The following TUBB8B variants were observed in gnomAD, a reference collection of about 807,000 sequenced individuals.
The protein encoded by TUBB8B is HSA18p11 beta-tubulin 4Q pseudogene.
In TUBB8B, 26 loss-of-function variants were observed where a neutral mutation model predicts 31.9. The observed-to-expected ratio is 0.81, with a 90% CI of 0.60 to 1.13. The LOEUF is 1.13. Among genes scored for constraint, TUBB8B ranks in the 50% most tolerant of loss-of-function variants. TUBB8B has a pLI of 0.00. For missense variants in TUBB8B, 467 were observed against 586.7 expected, an observed-to-expected ratio of 0.80 and a Z score of 2.11; for synonymous variants, 173 against 231.0, an observed-to-expected ratio of 0.75 and a Z score of 2.28.
At chr18:51,623 A>G (rs1450851437), upstream of TUBB8B, among the ~76,000 whole-genome samples, 2 of 151,956 alleles carry the variant, frequency 1.3e-5, no homozygotes, top group Non-Finnish European at 2.9e-5. Context: ...TACTTTTAGT[A>G]TAGACGGAGT....
At chr18:64,345 C>G in the TUBB8B span, among the ~76,000 whole-genome samples, 501 of 152,292 alleles carry the variant, frequency 3.3e-3, 2 homozygotes, top group African/African-American at 0.011. Context: ...CCAAAGAACT[C>G]TCAACTAAGA....
chr18:54,901 A>G, the TUBB8B span, among the ~76,000 whole-genome samples: 1 of 151,942 alleles, frequency 6.6e-6, no homozygotes, highest in East Asian at 1.9e-4. Context: ...TTTGATTTGC[A>G]TTTCTATGAT....
the TUBB8B span, among the ~76,000 whole-genome samples, chr18:72,921 C>T: frequency 6.6e-6 from 1 of 152,114 alleles, no homozygotes; most frequent in African/African-American, 2.4e-5. Flanking sequence ...GAGCCGAGAT[C>T]GCGCCATTGC....
chr18:68,493 C>T, the TUBB8B span, among the ~76,000 whole-genome samples: 2 of 152,182 alleles, frequency 1.3e-5, no homozygotes, highest in Admixed American at 6.5e-5. Context: ...AGTTTCACAA[C>T]GTTGGCAGAT....
rs969684871 is a variant in TUBB8B at position 48,614 on chromosome 18, C to T, written c.278-167G>A. The T allele has an allele frequency of 1.3e-5, 9 of 696,024 alleles. 1 individual carries two copies. Among genetic ancestry groups the T allele is most frequent in the Non-Finnish European group, 2.1e-5 (8 of 385,558 alleles). The allele number at this position is 696,024 out of a possible 1,614,324, so 43.1% of individuals were successfully genotyped here. A position where few individuals can be genotyped will look rare whatever the true frequency, so the allele number is the denominator to read the frequency against. On this transcript the variant is annotated intron_variant, in intron 3 of 3. Coordinates refer to ENST00000308911, the MANE Select transcript of TUBB8B (RefSeq NM_001358689.2). ...TCCAGAGTTACAGGACAGCAGCTTC[C>T]CCTGTTAGAAATTAAGACAGGAGTC...
chr18:63,075 T>C, the TUBB8B span, among the ~76,000 whole-genome samples: 5 of 151,872 alleles, frequency 3.3e-5, no homozygotes, highest in African/African-American at 4.8e-5. Flanking sequence ...CAACCAGCTA[T>C]TTAGGATTTC....
the TUBB8B span, among the ~76,000 whole-genome samples, chr18:66,605 T>A: frequency 6.6e-5 from 10 of 152,166 alleles, no homozygotes; most frequent in Admixed American, 2.0e-4. Flanking sequence ...ATTTCTGAAC[T>A]CAAAATTCAG....
the TUBB8B span, chr18:73,535 G>T: frequency 6.5e-6 from 1 of 152,734 alleles, no homozygotes; most frequent in Non-Finnish European, 1.5e-5. Flanking sequence ...CCGCCCTCCG[G>T]GTTTGGCAGG....
At chr18:59,319 G>A in the TUBB8B span, among the ~76,000 whole-genome samples, 23 of 151,546 alleles carry the variant, frequency 1.5e-4, no homozygotes, top group Middle Eastern at 3.2e-3. Flanking sequence ...GAATTACAGC[G>A]GTAAAAGTGG....
upstream of TUBB8B, chr18:49,671 C>T (rs1905988307): frequency 7.1e-6 from 5 of 709,024 alleles, no homozygotes; most frequent in Admixed American, 1.0e-4. Flanking sequence ...CTCCCTCAGC[C>T]TCCGATTGGG....
chr18:70,202 A>C, the TUBB8B span, among the ~76,000 whole-genome samples: 32 of 152,364 alleles, frequency 2.1e-4, no homozygotes, highest in Middle Eastern at 6.8e-3. Context: ...TATTGAATCA[A>C]ACTGGAAACT....
chr18:59,546 CT>C, the TUBB8B span, among the ~76,000 whole-genome samples: 377 of 136,714 alleles, frequency 2.8e-3, 2 homozygotes, highest in African/African-American at 4.2e-3. Context: ...GTCCTTCATT[CT>C]TTTTTTTTTT....
chr18:47,593 A>G lies in TUBB8B; in HGVS notation c.1132T>C (p.Phe378Leu), dbSNP rs762172166. Residue 378 changes from phenylalanine (F) to leucine (L), a missense_variant, in exon 4 of 4, where the codon TTC (phenylalanine) becomes CTC (leucine). Phe to Leu is a conservative substitution (Grantham distance 22). Transcript: ENST00000308911. ...IGNNAAIQELFTCVSEQFTAM... is the reference protein window; with the variant it reads ...IGNNAAIQELLTCVSEQFTAM... The stretch of plus-strand genomic sequence containing the variant: ...GTAAACTGCTCTGAGACACATGTGA[A>G]GAGTTCCTGGATGGCCGCATTATTC... 3.1e-6 allele frequency: 5 copies of G among 1,612,538 alleles called. No individual in the cohort carries two copies. Among genetic ancestry groups the G allele is most frequent in the East Asian group, 2.2e-5 (1 of 44,842 alleles).
the TUBB8B span, among the ~76,000 whole-genome samples, chr18:58,089 C>T: frequency 6.6e-6 from 1 of 151,488 alleles, no homozygotes; most frequent in African/African-American, 2.4e-5. Flanking sequence ...TGATGGGGGG[C>T]TGCCTTTTAG....
chr18:59,338 G>C, the TUBB8B span, among the ~76,000 whole-genome samples: 8 of 151,716 alleles, frequency 5.3e-5, no homozygotes, highest in Admixed American at 3.9e-4. Context: ...GGATATTCTT[G>C]TCATCTTCCA....
At chr18:61,565 A>G in the TUBB8B span, among the ~76,000 whole-genome samples, 1 of 151,384 alleles carries the variant, frequency 6.6e-6, no homozygotes. Context: ...GGTGATTTAT[A>G]TTTTAATATT....
upstream of TUBB8B, chr18:49,764 T>G (rs575425054): frequency 1.9e-5 from 13 of 673,732 alleles, no homozygotes; most frequent in Admixed American, 2.0e-4. Context: ...GTTGGAGAAC[T>G]CAGGTGTCCT....
chr18:71,684 G>T, the TUBB8B span, among the ~76,000 whole-genome samples: 1 of 148,084 alleles, frequency 6.8e-6, no homozygotes, highest in South Asian at 2.2e-4. Flanking sequence ...GGGAGTTCGA[G>T]ACCAGCCTGG....
chr18:50,156 T>G (rs568677396), upstream of TUBB8B: 1,896 of 326,160 alleles, frequency 5.8e-3, 15 homozygotes, highest in Non-Finnish European at 9.3e-3. Context: ...TCCAGAGGAC[T>G]GCGGTCTCCA....
Sources: gnomAD v4.1 joint callset for allele counts (sites outside exome capture counted in the v4.1 genomes callset) on GRCh38, gnomAD v4.1.1 for gene constraint, MANE v1.5 for transcripts, NCBI Gene and HGNC (gene_info 2026-07-23, HGNC 2026-07-21) for gene names.